The following LTBP2 variants were observed in gnomAD, a reference collection of about 807,000 sequenced individuals.
LTBP2 encodes latent-transforming growth factor beta-binding protein 2.
LTBP2 carries 103 observed loss-of-function variants against 210.6 expected under a neutral mutation model. That is an observed-to-expected ratio of 0.49 (90% CI 0.42 to 0.58). LTBP2 has a LOEUF of 0.58. Among genes scored for constraint, LTBP2 ranks in the 20% least tolerant of loss-of-function variants. The pLI is 0.00. For missense variants in LTBP2, 2,313 were observed against 2,494.5 expected (o/e 0.93, Z 1.55); for synonymous variants, 1,007 against 1,015.0 (o/e 0.99, Z 0.15).
intron 2 of LTBP2, among the ~76,000 whole-genome samples, chr14:74,594,299 G>C (rs892294289): frequency 1.3e-5 from 2 of 152,250 alleles, no homozygotes; most frequent in African/African-American, 4.8e-5. Flanking sequence ...TGACCCGTTA[G>C]ATAGAGGAGG....
rs1047985641 is a variant in LTBP2, at chr14:74,586,375, C to T, written c.566-257G>A. Among the ~76,000 whole-genome samples, 21 of 152,184 alleles carry T rather than the reference C, an allele frequency of 1.4e-4. No homozygotes were observed. The highest frequency in any genetic ancestry group is 7.2e-4 in the Admixed American group (11 of 15,276). ...AGCTGCAGAGTGGCTCACACCACCA[C>T]GTCCCACAGCACACCCTGAAGAGGA... On this transcript the variant is annotated intron_variant, in intron 2 of 35. Coordinates refer to ENST00000261978, the MANE Select transcript of LTBP2 (RefSeq NM_000428.3). This position sits in a 1 kb window ranked among gnomAD's most constrained non-coding sequence, Gnocchi z 4.6.
chr14:74,517,654 T>C (rs534976055), intron 17 of LTBP2, among the ~76,000 whole-genome samples: 22 of 152,050 alleles, frequency 1.4e-4, no homozygotes, highest in African/African-American at 4.8e-4. Context: ...ATTATAAGCA[T>C]GAACCACTGC....
rs1246640406 is a variant in LTBP2, at chr14:74,611,859, A to G, written c.86T>C (p.Phe29Ser). 2 of 1,610,578 alleles carry G rather than the reference A, an allele frequency of 1.2e-6. No homozygotes were observed. Among genetic ancestry groups the G allele is most frequent in the Non-Finnish European group, 1.7e-6 (2 of 1,179,472 alleles). The change falls in exon 1 of 36, where the codon TTC becomes TCC. Residue 29 changes from phenylalanine (F) to serine (S), a missense_variant. Phe to Ser is a radical substitution (Grantham distance 155, BLOSUM62 -2). Around this residue, in one of 3 missense-constraint regions of LTBP2, gnomAD observed 1,867 missense variants for 1,976.9 expected, o/e 0.94. Coordinates refer to ENST00000261978, the MANE Select transcript of LTBP2 (RefSeq NM_000428.3). ...CCTTTGGGCATGACCCGCGCCCACG[A>G]AGAGAGCCAGGGTGAGCGGCAGGAA... ...RGFLPLTLAL[F>S]VGAGHAQRDP...
At chr14:74,598,387 A>T (rs114954343) in intron 2 of LTBP2, among the ~76,000 whole-genome samples, 1 of 152,164 alleles carries the variant, frequency 6.6e-6, no homozygotes, top group Non-Finnish European at 1.5e-5. Context: ...TCCCCTGAAC[A>T]CCGTGGGGAG....
chr14:74,561,980 C>CA, intron 3 of LTBP2, among the ~76,000 whole-genome samples: 1 of 152,156 alleles, frequency 6.6e-6, no homozygotes, highest in African/African-American at 2.4e-5. Context: ...GAGGCCGAGG[C>CA]GGATGGATCA....
intron 3 of LTBP2, among the ~76,000 whole-genome samples, chr14:74,580,238 G>A (rs1006911966): frequency 1.3e-5 from 2 of 152,192 alleles, no homozygotes; most frequent in African/African-American, 2.4e-5. Flanking sequence ...GGGGAAGAGT[G>A]TTTTGATGCG....
At position 74,611,835 on chromosome 14, in the gene LTBP2, C is replaced by T. The variant is rs934996; in HGVS notation, c.110G>A (p.Arg37Lys). 36 of 1,611,628 alleles carry T rather than the reference C, an allele frequency of 2.2e-5. No individual in the cohort carries two copies. The African/African-American group carries it at 4.3e-4, about 19-fold the overall frequency. The change falls in exon 1 of 36, where the codon AGG (arginine) becomes AAG (lysine). Residue 37 changes from arginine to lysine, a missense_variant. Physicochemically the swap from Arg to Lys is conservative, Grantham distance 26. Transcript: ENST00000261978. The stretch of plus-strand genomic sequence containing the variant: ...CGGCTCGTATCTCCCTACGGGGTCC[C>T]TTTGGGCATGACCCGCGCCCACGAA... Reference protein sequence around the residue: ...ALFVGAGHAQRDPVGRYEPAG... With the variant: ...ALFVGAGHAQKDPVGRYEPAG...
Position 74,506,602 on chromosome 14 carries a change from C to T in LTBP2, c.4033+96G>A, listed in dbSNP as rs898484543. 8.6e-5 allele frequency: 136 copies of T among 1,573,606 alleles called. No homozygotes were observed. In the Admixed American group the frequency reaches 1.4e-3, roughly 16 times the overall value. On this transcript the variant is annotated intron_variant, in intron 27 of 35. Coordinates refer to ENST00000261978, the MANE Select transcript of LTBP2 (RefSeq NM_000428.3). ...CTCCCTTGCCCATGCTCTGGGGACC[C>T]GTGATGGAGCCACGTGACCAGGACC... is the stretch of plus-strand genomic sequence containing the variant.
At chr14:74,597,147 C>T (rs190644272) in intron 2 of LTBP2, among the ~76,000 whole-genome samples, 1 of 152,272 alleles carries the variant, frequency 6.6e-6, no homozygotes, top group Non-Finnish European at 1.5e-5. Context: ...CAGGAGGGGA[C>T]CAGGACAGAG....
At chr14:74,565,950 C>A (rs2139766535) in intron 3 of LTBP2, among the ~76,000 whole-genome samples, 1 of 152,168 alleles carries the variant, frequency 6.6e-6, no homozygotes, top group African/African-American at 2.4e-5. Context: ...TCTGCTAGCA[C>A]ACGATTAAAC....
chr14:74,587,094 G>A (rs960449714), intron 2 of LTBP2, among the ~76,000 whole-genome samples: 7 of 152,178 alleles, frequency 4.6e-5, no homozygotes, highest in African/African-American at 1.7e-4. Flanking sequence ...TAATGGCCAA[G>A]GGAACATTCC....
At chr14:74,544,903 A>G (rs1263157624) in intron 8 of LTBP2, among the ~76,000 whole-genome samples, 1 of 152,152 alleles carries the variant, frequency 6.6e-6, no homozygotes, top group Non-Finnish European at 1.5e-5. Context: ...TACCAGAAAC[A>G]CCACACATTG....
intron 10 of LTBP2, among the ~76,000 whole-genome samples, chr14:74,529,503 G>A (rs1192119029): frequency 1.3e-5 from 2 of 152,204 alleles, no homozygotes; most frequent in African/African-American, 2.4e-5. Context: ...CAGCCTCCCT[G>A]GGAAGATGAG....
At chr14:74,528,393 G>A in intron 12 of LTBP2, 90 bp downstream of exon 12, 1 of 1,442,702 alleles carries the variant, frequency 6.9e-7, no homozygotes, top group Non-Finnish European at 9.7e-7. Context: ...GGGATGCCCA[G>A]GGACCCAGGA....
rs374031899 is a variant in LTBP2 at position 74,522,887 on chromosome 14, G to T, written c.2562C>A (p.Asn854Lys). Residue 854 changes from asparagine to lysine, a missense_variant, in exon 16 of 36, where the codon AAC becomes AAA. Coordinates refer to ENST00000261978, the MANE Select transcript of LTBP2 (RefSeq NM_000428.3). Reference protein sequence around the residue: ...GIDRCAAGATNVCGPGTCVNL... With the variant: ...GIDRCAAGATKVCGPGTCVNL... ...TCACGCAGGTTCCAGGGCCACAGACGTTGGTGGCTCCAGCAGCGCATCTGT... is the reference window on the plus strand; with the variant it reads ...TCACGCAGGTTCCAGGGCCACAGACTTTGGTGGCTCCAGCAGCGCATCTGT... The T allele has an allele frequency of 3.7e-6, 6 of 1,612,448 alleles. No homozygotes were observed. Among genetic ancestry groups the T allele is most frequent in the African/African-American group, 2.7e-5 (2 of 74,900 alleles).
intron 1 of LTBP2, among the ~76,000 whole-genome samples, chr14:74,608,399 G>C (rs2139812447): frequency 6.6e-6 from 1 of 152,142 alleles, no homozygotes; most frequent in East Asian, 1.9e-4. Context: ...GTGGTCTGCT[G>C]TGAGGCTGGT....
At chr14:74,510,353 G>T in intron 19 of LTBP2, 140 bp from the exon 20 acceptor site, 1 of 1,264,798 alleles carries the variant, frequency 7.9e-7, no homozygotes, top group Non-Finnish European at 1.1e-6. Context: ...AGGCCATGAG[G>T]CCATGCTCCC....
In LTBP2 at chr14:74,501,444, C is replaced by A. The variant is rs371338219; in HGVS notation, c.5317G>T (p.Val1773Leu). Residue 1773 changes from valine (V) to leucine (L), a missense_variant, in exon 35 of 36, where the codon GTA (valine) becomes TTA (leucine). Transcript: ENST00000261978. Reference protein sequence around the residue: ...FQLDAAHMACVDVNECDDLNG... With the variant: ...FQLDAAHMACLDVNECDDLNG... ...TCCATCAGAATTCTGCACTTACCTA[C>A]GCAGGCCATGTGGGCCGCATCCAGC... 1 of 1,613,988 alleles carries A rather than the reference C, an allele frequency of 6.2e-7. No individual in the cohort carries two copies. Among genetic ancestry groups the A allele is most frequent in the Non-Finnish European group, 8.5e-7 (1 of 1,180,026 alleles).
At chr14:74,509,678 G>T in intron 21 of LTBP2, 56 bp downstream of exon 21, 2 of 1,612,144 alleles carry the variant, frequency 1.2e-6, no homozygotes, top group South Asian at 1.1e-5. Context: ...AGTGTTCTTT[G>T]GGAGGTAAGA....
Sources: allele counts gnomAD v4.1 joint callset (sites outside exome capture counted in the v4.1 genomes callset), GRCh38; gene constraint gnomAD v4.1.1; regional missense constraint gnomAD v4.1.1; non-coding constraint Gnocchi (gnomAD v3.1); transcripts MANE v1.5; gene names NCBI Gene and HGNC (gene_info 2026-07-23, HGNC 2026-07-21).